Variants in MSH4 observed in about 807,000 individuals in gnomAD.
The protein encoded by MSH4 is mutS homolog 4.
In MSH4, 106 loss-of-function variants were observed where a neutral mutation model predicts 113.7. That is an observed-to-expected ratio of 0.93 (90% CI 0.80 to 1.10). The LOEUF (loss-of-function observed/expected upper bound fraction) is 1.10. Among genes scored for constraint, MSH4 ranks in the 50% least tolerant of loss-of-function variants. The probability of loss-of-function intolerance (pLI) is 0.00; values close to 1 mark genes in which losing one functional copy is unlikely to be tolerated. For synonymous variants in MSH4, 368 were observed against 380.2 expected, an observed-to-expected ratio of 0.97 and a Z score of 0.37; for missense variants, 1,061 against 1,093.7, an observed-to-expected ratio of 0.97 and a Z score of 0.42.
intron 15 of MSH4, among the ~76,000 whole-genome samples, chr1:75,884,214 A>T (rs1230834796): frequency 6.6e-6 from 1 of 152,142 alleles, no homozygotes; most frequent in African/African-American, 2.4e-5. Context: ...GTTTTTTCCA[A>T]AATTATTAAA....
intron 7 of MSH4, among the ~76,000 whole-genome samples, chr1:75,824,269 GTCT>G (rs1650495762): frequency 6.6e-6 from 1 of 152,086 alleles, no homozygotes; most frequent in African/African-American, 2.4e-5. Context: ...CCGCACAAAT[GTCT>G]TCTTTTGAGA....
At chr1:75,890,584 A>G in intron 16 of MSH4, 112 bp from the exon 17 acceptor site, 1 of 547,156 alleles carries the variant, frequency 1.8e-6, no homozygotes, top group Non-Finnish European at 3.1e-6. Flanking sequence ...GGATGTCTCT[A>G]AGAATACATT....
chr1:75,878,429 C>G, intron 11 of MSH4, 111 bp downstream of exon 11: 1 of 843,284 alleles, frequency 1.2e-6, no homozygotes, highest in Non-Finnish European at 1.8e-6. Context: ...ATTTATTTTT[C>G]GTTACCAAAA....
At chr1:75,823,633 C>T (rs1467685595) in intron 7 of MSH4, among the ~76,000 whole-genome samples, 1 of 152,096 alleles carries the variant, frequency 6.6e-6, no homozygotes, top group East Asian at 1.9e-4. Context: ...CCTTTCCCTC[C>T]ACCCACTGAC....
chr1:75,897,726 A>G (rs921291316), intron 17 of MSH4, among the ~76,000 whole-genome samples, 181 bp from the exon 18 acceptor site: 1 of 152,140 alleles, frequency 6.6e-6, no homozygotes, highest in African/African-American at 2.4e-5. Flanking sequence ...CATTTAATAT[A>G]AAATCTCAAA....
chr1:75,913,018 A>T lies in MSH4; in HGVS notation c.*131A>T. The stretch of plus-strand genomic sequence containing the variant: ...AAAATTACATTATATTAACATCACA[A>T]TTGTCATCTATATATTCTATATGAA... On this transcript the variant is annotated 3_prime_UTR_variant, in exon 20 of 20. Coordinates refer to ENST00000263187, the MANE Select transcript of MSH4 (RefSeq NM_002440.4). 1 of 457,416 alleles carries T rather than the reference A, an allele frequency of 2.2e-6. No individual in the cohort carries two copies. Among genetic ancestry groups the T allele is most frequent in the South Asian group, 5.5e-5 (1 of 18,160 alleles). 28.3% of individuals were successfully genotyped at this position (457,416 alleles called of 1,614,324 possible).
At chr1:75,848,702 G>A (rs1557508365) in intron 8 of MSH4, among the ~76,000 whole-genome samples, 6 of 152,030 alleles carry the variant, frequency 3.9e-5, no homozygotes. Context: ...TCGCATCACT[G>A]CACTCCAGCC....
In MSH4 at chr1:75,797,110, G is replaced by T. The variant is rs760938247; in HGVS notation, c.125G>T (p.Arg42Leu). Residue 42 changes from arginine (R) to leucine (L), a missense_variant, in exon 1 of 20, where the codon CGC becomes CTC. Coordinates refer to ENST00000263187, the MANE Select transcript of MSH4 (RefSeq NM_002440.4). ...GGACTCCAGGAGACTCCACAGAGCC[G>T]CCCTTCGGTCCAGGTGGTCTCTGCA... is the stretch of plus-strand genomic sequence containing the variant. Reference protein sequence around the residue: ...NFGLQETPQSRPSVQVVSAST... With the variant: ...NFGLQETPQSLPSVQVVSAST... 2 of 1,613,988 alleles carry T rather than the reference G, an allele frequency of 1.2e-6. No individual in the cohort carries two copies. The highest frequency in any genetic ancestry group is 2.2e-5 in the South Asian group (2 of 91,074).
chr1:75,898,412 A>G (rs1652430991), intron 18 of MSH4, among the ~76,000 whole-genome samples: 2 of 152,222 alleles, frequency 1.3e-5, no homozygotes, highest in East Asian at 1.9e-4. Context: ...TATTTTCTAC[A>G]CAATCTTTCA....
intron 17 of MSH4, 52 bp downstream of exon 17, chr1:75,890,876 T>C (rs1397486609): frequency 2.9e-6 from 4 of 1,364,214 alleles, no homozygotes; most frequent in East Asian, 4.8e-5. Flanking sequence ...TATGTATCCT[T>C]TTATTATTAT....
At chr1:75,908,937 G>T (rs532701382) in intron 19 of MSH4, among the ~76,000 whole-genome samples, 1 of 152,274 alleles carries the variant, frequency 6.6e-6, no homozygotes, top group Admixed American at 6.5e-5. Context: ...ATACCCAGAT[G>T]ACCTGTGGCA....
At chr1:75,813,457 G>T (rs1463022378) in intron 4 of MSH4, among the ~76,000 whole-genome samples, 1 of 152,128 alleles carries the variant, frequency 6.6e-6, no homozygotes, top group Non-Finnish European at 1.5e-5. Flanking sequence ...GTGACCTACT[G>T]CAAGACACTT....
rs201057242 is a variant in MSH4 at position 75,797,241 on chromosome 1, T to C, written c.244+12T>C. ...CCGGCCAGCTCAAGGCAAGGAGTGA[T>C]TGGGTGGAGGAGTCTCCTTGAGGCT... On this transcript the variant is annotated intron_variant, in intron 1 of 19. Transcript: ENST00000263187. The C allele has an allele frequency of 4.4e-6, 7 of 1,598,424 alleles. No homozygotes were observed. Among genetic ancestry groups the C allele is most frequent in the African/African-American group, 4.0e-5 (3 of 74,852 alleles).
intron 8 of MSH4, among the ~76,000 whole-genome samples, chr1:75,867,309 C>T (rs5745430): frequency 0.28 from 42,325 of 152,020 alleles, 6,189 homozygotes; most frequent in Middle Eastern, 0.37. Flanking sequence ...GAACTCTTCT[C>T]ATTTCCAGAC....
At chr1:75,889,851 G>T (rs1652212459) in intron 16 of MSH4, among the ~76,000 whole-genome samples, 1 of 152,088 alleles carries the variant, frequency 6.6e-6, no homozygotes, top group African/African-American at 2.4e-5. Flanking sequence ...AAGGAATTAA[G>T]TGTAACTCTT....
intron 19 of MSH4, among the ~76,000 whole-genome samples, chr1:75,909,780 C>G (rs77655738): frequency 0.021 from 3,235 of 152,074 alleles, 114 homozygotes; most frequent in African/African-American, 0.074. Flanking sequence ...AATCACTTCA[C>G]TTTCTACAGA....
At chr1:75,809,633 T>C (rs1650144677) in intron 3 of MSH4, among the ~76,000 whole-genome samples, 1 of 146,166 alleles carries the variant, frequency 6.8e-6, no homozygotes, top group Non-Finnish European at 1.5e-5. Flanking sequence ...GTTACCCTTT[T>C]TTTTTTTTTT....
intron 15 of MSH4, among the ~76,000 whole-genome samples, chr1:75,886,454 GATGTATTATATATTATATATAA>G (rs1407405178): frequency 2.6e-5 from 3 of 117,078 alleles, no homozygotes; most frequent in African/African-American, 1.0e-4. Flanking sequence ...TAATATATAT[GATGTATTATATATTATATATAA>G]TATATATGAT....
intron 2 of MSH4, among the ~76,000 whole-genome samples, 190 bp from the exon 3 acceptor site, chr1:75,806,791 T>C (rs944400514): frequency 2.0e-5 from 3 of 152,158 alleles, no homozygotes; most frequent in Non-Finnish European, 4.4e-5. Context: ...AAAAAACATA[T>C]TGAGGTTTTG....
Sources: allele counts gnomAD v4.1 joint callset (sites outside exome capture counted in the v4.1 genomes callset), GRCh38; gene constraint gnomAD v4.1.1; transcripts MANE v1.5; gene names NCBI Gene and HGNC (gene_info 2026-07-23, HGNC 2026-07-21).